The following YME1L1 variants were observed in gnomAD, a reference collection of about 807,000 sequenced individuals.
YME1L1 encodes the protein YME1 like 1 ATPase, also known as ATP-dependent zinc metalloprotease YME1L1.
Under a neutral mutation model 90.4 loss-of-function variants are expected in YME1L1, and 39 were observed. That is an observed-to-expected ratio of 0.43 (90% CI 0.33 to 0.56). YME1L1 has a LOEUF of 0.56. Among genes scored for constraint, YME1L1 ranks in the 20% least tolerant of loss-of-function variants. The pLI, the probability that YME1L1 is intolerant of heterozygous loss-of-function variation, is 0.03. For synonymous variants in YME1L1, 284 were observed against 287.3 expected (o/e 0.99, Z 0.12); for missense variants, 617 against 868.4 (o/e 0.71, Z 3.64).
chr10:27,116,155 C>A lies in YME1L1; in HGVS notation c.1847-22G>T, dbSNP rs12267272. The A allele has an allele frequency of 7.6e-3, 12,316 of 1,613,404 alleles. 784 individuals are homozygous for A. The African/African-American group carries it at 0.14, about 19-fold the overall frequency. ...GCACCTAAAATAAAATAAAAACATA[C>A]CATTTTAAAACATATCTTTAAGACC... On this transcript the variant is annotated intron_variant, in intron 16 of 18. Transcript: ENST00000376016.
chr10:27,114,587 A>G lies in YME1L1; in HGVS notation c.1941T>C (p.Ser647=). 1 of 1,613,462 alleles carries G rather than the reference A, an allele frequency of 6.2e-7. No individual in the cohort carries two copies. Among genetic ancestry groups the G allele is most frequent in the East Asian group, 2.2e-5 (1 of 44,862 alleles). Residue 647 remains serine (S), a synonymous_variant, in exon 18 of 19, where the codon AGT becomes AGC. Transcript: ENST00000376016. ...MSEKLGVMTY[S]DTGKLSPETQ... ...TTTCTGGACTTAGTTTCCCTGTATC[A>G]CTGTAGGTCATAACTCCAAGCTAAA...
chr10:27,141,872 A>G (rs186272004), intron 4 of YME1L1, among the ~76,000 whole-genome samples: 3 of 152,266 alleles, frequency 2.0e-5, no homozygotes, highest in African/African-American at 7.2e-5. Context: ...GGTAGAAAAC[A>G]TGTCTTTTTC....
At chr10:27,120,654 C>T (rs903046938) in intron 12 of YME1L1, 107 bp from the exon 13 acceptor site, 9 of 752,792 alleles carry the variant, frequency 1.2e-5, no homozygotes, top group Admixed American at 5.6e-5. Context: ...GCAGCCAGAG[C>T]GCAGATGGAG....
chr10:27,123,213 T>C (rs1443042732), intron 10 of YME1L1, among the ~76,000 whole-genome samples: 4 of 152,212 alleles, frequency 2.6e-5, no homozygotes, highest in African/African-American at 7.2e-5. Flanking sequence ...GCTATACAAA[T>C]ATATACAATC....
At position 27,114,504 on chromosome 10, in the gene YME1L1, A is replaced by T; in HGVS notation, c.2007+17T>A. 1 of 1,596,602 alleles carries T rather than the reference A, an allele frequency of 6.3e-7. No homozygotes were observed. The highest frequency in any genetic ancestry group is 1.1e-5 in the South Asian group (1 of 87,568). ...ATTGTTCCTAAGAAAATAAATAAGC[A>T]CAAAAAATATTATTACCCTTAGAAG... On this transcript the variant is annotated intron_variant, in intron 18 of 18. Coordinates refer to ENST00000376016, the MANE Select transcript of YME1L1 (RefSeq NM_014263.4).
At chr10:27,142,784 C>T (rs993009823) in intron 3 of YME1L1, among the ~76,000 whole-genome samples, 5 of 152,154 alleles carry the variant, frequency 3.3e-5, no homozygotes, top group African/African-American at 2.4e-5. Flanking sequence ...GGCACGACCT[C>T]GGCTCACCGC....
At chr10:27,131,292 G>A (rs1211116559) in intron 8 of YME1L1, among the ~76,000 whole-genome samples, 1 of 152,108 alleles carries the variant, frequency 6.6e-6, no homozygotes, top group Non-Finnish European at 1.5e-5. Flanking sequence ...TGCTTTTAGA[G>A]TTTAAACTCT....
At chr10:27,143,812 TA>T in intron 3 of YME1L1, among the ~76,000 whole-genome samples, 1 of 152,086 alleles carries the variant, frequency 6.6e-6, no homozygotes, top group South Asian at 2.1e-4. Context: ...GCTCTAATGG[TA>T]TAATAAAACA....
Position 27,126,708 on chromosome 10 carries a change from T to C in YME1L1, c.937A>G (p.Lys313Glu), listed in dbSNP as rs2056923233. The change falls in exon 9 of 19, where the codon AAA becomes GAA. Residue 313 changes from lysine to glutamate, a missense_variant. Coordinates refer to ENST00000376016, the MANE Select transcript of YME1L1 (RefSeq NM_014263.4). ...NPQKFTILGG[K>E]LPKGILLVGP... ...AAAGATATCTTACCTTTTGGAAGTT[T>C]ACCTCCAAGAATAGTAAATTTTTGT... 1.3e-6 allele frequency: 2 copies of C among 1,544,672 alleles called. No homozygotes were observed. The highest frequency in any genetic ancestry group is 4.6e-5 in the East Asian group (2 of 43,164).
rs574941255 is a variant in YME1L1, at chr10:27,123,826, T to C, written c.950-127A>G. 115 of 973,812 alleles carry C rather than the reference T, an allele frequency of 1.2e-4. No homozygotes were observed. In the East Asian group the frequency reaches 3.2e-3, roughly 27 times the overall value. 60.3% of individuals were successfully genotyped at this position (973,812 alleles called of 1,614,324 possible). A position where few individuals can be genotyped will look rare whatever the true frequency, so the allele number is the denominator to read the frequency against. ...TGAGGTCACACCAATAACCAATATT[T>C]TGAAACACAGCAAACCGTACTTGTC... On this transcript the variant is annotated intron_variant, in intron 9 of 18. Coordinates refer to ENST00000376016, the MANE Select transcript of YME1L1 (RefSeq NM_014263.4).
At chr10:27,150,842 C>T (rs1313375166) in intron 1 of YME1L1, among the ~76,000 whole-genome samples, 1 of 151,876 alleles carries the variant, frequency 6.6e-6, no homozygotes, top group Non-Finnish European at 1.5e-5. Context: ...CCAAGCAGCT[C>T]CTCTGCCTAT....
intron 1 of YME1L1, chr10:27,153,343 A>G: frequency 2.2e-6 from 1 of 448,458 alleles, no homozygotes; most frequent in Non-Finnish European, 4.5e-6. Flanking sequence ...AAAGGAACAC[A>G]ATCATATGCT....
intron 8 of YME1L1, among the ~76,000 whole-genome samples, chr10:27,130,958 C>T (rs780601435): frequency 9.2e-5 from 14 of 152,228 alleles, no homozygotes; most frequent in Admixed American, 6.5e-5. Flanking sequence ...TTACACCCTA[C>T]GTTCCAATAA....
chr10:27,145,764 A>T (rs2057137969), intron 2 of YME1L1, 174 bp from the exon 3 acceptor site: 2 of 528,502 alleles, frequency 3.8e-6, no homozygotes, highest in Non-Finnish European at 6.2e-6. Flanking sequence ...TTTTACTGAG[A>T]TCAGTCATAT....
rs779143767 is a variant in YME1L1, at chr10:27,147,524, G to A, written c.168+1382C>T. 12 of 1,607,904 alleles carry A rather than the reference G, an allele frequency of 7.5e-6. No homozygotes were observed. The Admixed American group carries it at 8.4e-5, about 11-fold the overall frequency. ...GGGATTGAGAGGGAGAAGGGTTCTG[G>A]ACGGATGTGCCAGTTATCGGTTGTG... On this transcript the variant is annotated intron_variant, in intron 2 of 18. Transcript: ENST00000376016.
At chr10:27,149,962 G>A (rs1018365295) in intron 1 of YME1L1, among the ~76,000 whole-genome samples, 1 of 151,960 alleles carries the variant, frequency 6.6e-6, no homozygotes, top group Admixed American at 6.6e-5. Context: ...TGTAATCCCA[G>A]ATACTTGGGA....
intron 2 of YME1L1, chr10:27,146,815 T>G (rs1402543496): frequency 2.6e-5 from 4 of 153,906 alleles, no homozygotes. Flanking sequence ...TAGCTATAAC[T>G]CATATTCTTA....
At chr10:27,147,848 G>A (rs1188893360) in intron 2 of YME1L1, among the ~76,000 whole-genome samples, 2 of 152,180 alleles carry the variant, frequency 1.3e-5, no homozygotes, top group East Asian at 3.8e-4. Context: ...CACCACTCGT[G>A]TAACAGCTTC....
At chr10:27,121,062 TTTA>T (rs2056862727) in intron 12 of YME1L1, among the ~76,000 whole-genome samples, 1 of 152,218 alleles carries the variant, frequency 6.6e-6, no homozygotes, top group Non-Finnish European at 1.5e-5. Flanking sequence ...TATTTTAAGT[TTTA>T]TTGAGATGTA....
Sources: allele counts gnomAD v4.1 joint callset (sites outside exome capture counted in the v4.1 genomes callset), GRCh38; gene constraint gnomAD v4.1.1; transcripts MANE v1.5; gene names NCBI Gene and HGNC (gene_info 2026-07-23, HGNC 2026-07-21).